Variants in ZMYM4 observed in about 807,000 individuals in gnomAD.
ZMYM4 encodes zinc finger MYM-type protein 4.
Under a neutral mutation model 183.2 loss-of-function variants are expected in ZMYM4, and 31 were observed. The ratio of observed to expected loss-of-function variants is 0.17; its 90% CI spans 0.13 to 0.23. The LOEUF (loss-of-function observed/expected upper bound fraction) is 0.23. Ranked by LOEUF, ZMYM4 falls within the 10% of genes least tolerant of loss-of-function variation. ZMYM4 has a pLI of 1.00. For synonymous variants in ZMYM4, 592 were observed against 631.2 expected (o/e 0.94, Z 0.93); for missense variants, 1,273 against 1,840.3 (o/e 0.69, Z 5.64).
chr1:35,409,135 A>T (rs1170735815), intron 26 of ZMYM4, among the ~76,000 whole-genome samples: 1 of 152,204 alleles, frequency 6.6e-6, no homozygotes, highest in Non-Finnish European at 1.5e-5. Flanking sequence ...ATGGCTGAAT[A>T]ATATTCTATC....
At chr1:35,310,403 T>C (rs2148779114) in intron 1 of ZMYM4, 1 of 194,420 alleles carries the variant, frequency 5.1e-6, no homozygotes, top group Non-Finnish European at 1.0e-5. Context: ...GAGTGGAGTT[T>C]GATAGTAATT....
At chr1:35,383,164 T>A (rs1420606926) in intron 9 of ZMYM4, among the ~76,000 whole-genome samples, 5 of 152,186 alleles carry the variant, frequency 3.3e-5, no homozygotes, top group Non-Finnish European at 2.9e-5. Flanking sequence ...TAGATTTGTA[T>A]TTTATTAGTG....
chr1:35,335,044 C>T (rs893729305), intron 2 of ZMYM4, among the ~76,000 whole-genome samples: 3 of 152,070 alleles, frequency 2.0e-5, no homozygotes, highest in African/African-American at 7.2e-5. Flanking sequence ...TATTTTCATG[C>T]TCTTGATGCC....
intron 1 of ZMYM4, among the ~76,000 whole-genome samples, chr1:35,305,133 T>G (rs1019368364): frequency 2.0e-5 from 3 of 152,128 alleles, no homozygotes; most frequent in Non-Finnish European, 4.4e-5. Flanking sequence ...CGTGAGCGAC[T>G]GCGCCCAGCC....
At chr1:35,314,702 A>G (rs1392332427) in intron 1 of ZMYM4, among the ~76,000 whole-genome samples, 4 of 56,460 alleles carry the variant, frequency 7.1e-5, no homozygotes, top group Non-Finnish European at 1.2e-4. Flanking sequence ...TTTGATTTCT[A>G]TCCTTAACTT....
At chr1:35,336,996 G>A (rs1364969630) in intron 2 of ZMYM4, among the ~76,000 whole-genome samples, 1 of 152,164 alleles carries the variant, frequency 6.6e-6, no homozygotes, top group Non-Finnish European at 1.5e-5. Flanking sequence ...AGACATGCCA[G>A]CTTCCCCTTC....
chr1:35,369,899 A>G (rs2148932962), intron 5 of ZMYM4, 130 bp from the exon 6 acceptor site: 1 of 551,566 alleles, frequency 1.8e-6, no homozygotes, highest in East Asian at 3.2e-5. Flanking sequence ...TTTGTACTTT[A>G]TTATTTCTTA....
At chr1:35,407,884 C>A in intron 25 of ZMYM4, 124 bp from the exon 26 acceptor site, 1 of 1,202,832 alleles carries the variant, frequency 8.3e-7, no homozygotes, top group Non-Finnish European at 1.2e-6. Context: ...TGTCTTTAAT[C>A]CATATACCCA....
rs547785079 is a variant in ZMYM4 at position 35,270,708 on chromosome 1, C to T, written c.39+1623C>T. On this transcript the variant is annotated intron_variant, in intron 1 of 29. Coordinates refer to ENST00000314607, the MANE Select transcript of ZMYM4 (RefSeq NM_005095.3). The stretch of plus-strand genomic sequence containing the variant: ...CTGGGAGGCGGTGGTAGCAGGGAGG[C>T]GGTGGTAGCAGTGAGCCGAGATCGT... Among the ~76,000 whole-genome samples, 350 of 152,024 alleles carry T rather than the reference C, an allele frequency of 2.3e-3. 1 individual carries two copies. Among genetic ancestry groups the T allele is most frequent in the Middle Eastern group, 6.8e-3 (2 of 294 alleles).
At chr1:35,309,680 A>C (rs141560324) in intron 1 of ZMYM4, among the ~76,000 whole-genome samples, 118 of 152,234 alleles carry the variant, frequency 7.8e-4, no homozygotes, top group Middle Eastern at 3.4e-3. Context: ...TTGCGATCTC[A>C]AAATACTTTA....
chr1:35,402,541 TA>T (rs1383575979), intron 23 of ZMYM4, among the ~76,000 whole-genome samples: 2 of 151,910 alleles, frequency 1.3e-5, no homozygotes, highest in South Asian at 2.1e-4. Context: ...TGCTTGAGCC[TA>T]GGGGGGGTCG....
chr1:35,403,995 A>G (rs552000956), intron 23 of ZMYM4, among the ~76,000 whole-genome samples: 1 of 152,310 alleles, frequency 6.6e-6, no homozygotes, highest in South Asian at 2.1e-4. Flanking sequence ...CAGCCTCCCA[A>G]AGTGTTGGGA....
chr1:35,318,537 A>C (rs1032120177), intron 1 of ZMYM4, among the ~76,000 whole-genome samples: 4 of 152,130 alleles, frequency 2.6e-5, no homozygotes, highest in African/African-American at 4.8e-5. Context: ...GGCTCACTGC[A>C]ACCTCCGTCT....
At chr1:35,349,452 G>A (rs1183782428) in intron 2 of ZMYM4, among the ~76,000 whole-genome samples, 1 of 152,138 alleles carries the variant, frequency 6.6e-6, no homozygotes, top group Non-Finnish European at 1.5e-5. Context: ...GAATTACATT[G>A]TGATCTTATA....
intron 2 of ZMYM4, among the ~76,000 whole-genome samples, chr1:35,348,998 T>G (rs888322411): frequency 6.6e-6 from 1 of 152,222 alleles, no homozygotes; most frequent in African/African-American, 2.4e-5. Flanking sequence ...TTATTTATTT[T>G]TATTTCATTT....
Position 35,373,379 on chromosome 1 carries a change from T to C in ZMYM4, c.1181+2752T>C, listed in dbSNP as rs560181203. On this transcript the variant is annotated intron_variant, in intron 7 of 29. Coordinates refer to ENST00000314607, the MANE Select transcript of ZMYM4 (RefSeq NM_005095.3). ...ATTAATGATCTTAACTTTTTTTTTT[T>C]CTTTTTTTTTTTTGAGACCGAGTCT... Among the ~76,000 whole-genome samples, 252 of 140,190 alleles carry C rather than the reference T, an allele frequency of 1.8e-3. 2 individuals are homozygous for C. Among genetic ancestry groups the C allele is most frequent in the African/African-American group, 6.7e-3 (243 of 36,322 alleles). The allele number at this position is 140,190 out of a possible 152,430, so 92.0% of individuals were successfully genotyped here.
chr1:35,296,843 CTTTTTTTT>C (rs780202714), intron 1 of ZMYM4, among the ~76,000 whole-genome samples: 1 of 95,626 alleles, frequency 1.0e-5, no homozygotes, highest in East Asian at 7.1e-4. Context: ...TTCTTTCTTT[CTTTTTTTT>C]TTTTTTTTTT....
rs600935 is a variant in ZMYM4 at position 35,354,496 on chromosome 1, C to T, written c.86-4429C>T. Reference sequence around the variant, plus strand: ...ATCCCAGCACTTTGGGAGGCCAAGGCGGGTGGATCACCTGAGGTCAGGAGT... The same window carrying T: ...ATCCCAGCACTTTGGGAGGCCAAGGTGGGTGGATCACCTGAGGTCAGGAGT... On this transcript the variant is annotated intron_variant, in intron 2 of 29. Transcript: ENST00000314607. Among the ~76,000 whole-genome samples, 610 of 152,026 alleles carry T rather than the reference C, an allele frequency of 4.0e-3. 5 individuals carry two copies. Among genetic ancestry groups the T allele is most frequent in the African/African-American group, 0.013 (542 of 41,482 alleles).
intron 1 of ZMYM4, among the ~76,000 whole-genome samples, chr1:35,308,078 A>G (rs557378673): frequency 2.6e-5 from 4 of 151,224 alleles, no homozygotes; most frequent in East Asian, 3.9e-4. Context: ...TGCAACCTCC[A>G]CCTCCTGGGT....
Sources: allele counts gnomAD v4.1 joint callset (sites outside exome capture counted in the v4.1 genomes callset), GRCh38; gene constraint gnomAD v4.1.1; transcripts MANE v1.5; gene names NCBI Gene and HGNC (gene_info 2026-07-23, HGNC 2026-07-21).